Variants in SLC15A5 observed in about 807,000 individuals in gnomAD.
The protein encoded by SLC15A5 is solute carrier family 15 member 5, also known as Peptide/histidine transporter ENSP00000340402.
Under a neutral mutation model 56.1 loss-of-function variants are expected in SLC15A5, and 58 were observed. That is an observed-to-expected ratio of 1.03 (90% CI 0.84 to 1.29). The LOEUF (loss-of-function observed/expected upper bound fraction) is 1.29. Among genes scored for constraint, SLC15A5 ranks in the 50% most tolerant of loss-of-function variants. The probability of loss-of-function intolerance (pLI) is 0.00; values close to 1 mark genes in which losing one functional copy is unlikely to be tolerated. For synonymous variants in SLC15A5, 264 were observed against 250.5 expected (o/e 1.05, Z -0.51); for missense variants, 681 against 672.1 (o/e 1.01, Z -0.15).
intron 3 of SLC15A5, among the ~76,000 whole-genome samples, chr12:16,252,447 G>A (rs768542410): frequency 5.3e-5 from 8 of 152,022 alleles, no homozygotes; most frequent in Non-Finnish European, 7.4e-5. Context: ...AATTAATAAA[G>A]GAGTTCAGCA....
chr12:16,244,781 G>A lies in SLC15A5; in HGVS notation c.774C>T (p.Gly258=), dbSNP rs1006255763. 9.1e-6 allele frequency: 14 copies of A among 1,537,768 alleles called. No individual in the cohort carries two copies. The highest frequency in any genetic ancestry group is 1.0e-5 in the Non-Finnish European group (12 of 1,147,018). The change falls in exon 4 of 9, where the codon GGC becomes GGT. Residue 258 remains glycine (G), a synonymous_variant. Coordinates refer to ENST00000344941, the MANE Select transcript of SLC15A5 (RefSeq NM_001170798.1). ...QSEKRCSLLT[G]VGVLVSALKT... ...TCAGTGCACTAACCAACACCCCAACGCCTGTCAGGAGAGAACAACCTGCAA... is the reference window on the plus strand; with the variant it reads ...TCAGTGCACTAACCAACACCCCAACACCTGTCAGGAGAGAACAACCTGCAA...
intron 7 of SLC15A5, among the ~76,000 whole-genome samples, chr12:16,200,343 C>G (rs1023799565): frequency 2.0e-5 from 3 of 151,570 alleles, no homozygotes; most frequent in Non-Finnish European, 4.4e-5. Flanking sequence ...AAACACAATT[C>G]AAATTGAAGA....
chr12:16,253,600 G>A (rs907017105), intron 3 of SLC15A5, among the ~76,000 whole-genome samples: 3 of 152,096 alleles, frequency 2.0e-5, no homozygotes, highest in South Asian at 2.1e-4. Context: ...GCTGGGTGCC[G>A]TGGCTCACAC....
intron 7 of SLC15A5, among the ~76,000 whole-genome samples, chr12:16,211,377 A>T (rs1864078769): frequency 6.6e-6 from 1 of 152,206 alleles, no homozygotes; most frequent in Non-Finnish European, 1.5e-5. Context: ...TTTTTAATTT[A>T]AGAGAATCTT....
chr12:16,254,842 G>T (rs1216390517), intron 3 of SLC15A5, among the ~76,000 whole-genome samples: 1 of 152,146 alleles, frequency 6.6e-6, no homozygotes, highest in Non-Finnish European at 1.5e-5. Context: ...ATTAGAGGCT[G>T]GGAAGCATAG....
At chr12:16,201,961 C>A (rs1581605) in intron 7 of SLC15A5, among the ~76,000 whole-genome samples, 151,639 of 152,268 alleles carry the variant, frequency 1, 75,510 homozygotes, top group Middle Eastern at 1. Flanking sequence ...AAATAAACTC[C>A]AAATAGATTA....
At chr12:16,236,314 A>G (rs1466438068) in intron 5 of SLC15A5, among the ~76,000 whole-genome samples, 4 of 152,358 alleles carry the variant, frequency 2.6e-5, no homozygotes, top group Non-Finnish European at 4.4e-5. Context: ...CTGGATTTGT[A>G]GTGAATTAAG....
chr12:16,240,171 A>G (rs1864399423), intron 4 of SLC15A5, among the ~76,000 whole-genome samples: 1 of 152,252 alleles, frequency 6.6e-6, no homozygotes, highest in Non-Finnish European at 1.5e-5. Context: ...GACACATAAA[A>G]AGCCAAATAA....
intron 7 of SLC15A5, among the ~76,000 whole-genome samples, chr12:16,216,456 A>T (rs556647922): frequency 3.9e-5 from 6 of 152,192 alleles, no homozygotes; most frequent in Non-Finnish European, 5.9e-5. Context: ...ATCATTTATT[A>T]TTCAATTCAC....
chr12:16,204,892 A>G (rs1435254080), intron 7 of SLC15A5, among the ~76,000 whole-genome samples: 1 of 152,166 alleles, frequency 6.6e-6, no homozygotes, highest in Admixed American at 6.5e-5. Flanking sequence ...TTAAAATTAT[A>G]CAACCATAGA....
chr12:16,192,983 G>A (rs1356398626), intron 8 of SLC15A5, among the ~76,000 whole-genome samples: 1 of 151,966 alleles, frequency 6.6e-6, no homozygotes, highest in African/African-American at 2.4e-5. Context: ...ACTCAACTTG[G>A]GTGACTAAAT....
At chr12:16,224,343 C>T in intron 6 of SLC15A5, 71 bp downstream of exon 6, 1 of 1,385,246 alleles carries the variant, frequency 7.2e-7, no homozygotes, top group Non-Finnish European at 9.6e-7. Context: ...TTTAATTGTT[C>T]TGGTTGAGGT....
chr12:16,212,634 T>C (rs1024107426), intron 7 of SLC15A5, among the ~76,000 whole-genome samples: 3 of 152,170 alleles, frequency 2.0e-5, no homozygotes, highest in Non-Finnish European at 2.9e-5. Context: ...AGGAGAGGAT[T>C]AATGTGTTGT....
At chr12:16,244,451 T>G in intron 4 of SLC15A5, 129 bp downstream of exon 4, 1 of 823,866 alleles carries the variant, frequency 1.2e-6, no homozygotes, top group Non-Finnish European at 1.9e-6. Context: ...GATGAGAAGT[T>G]TCTGTGGGGA....
chr12:16,259,915 G>A (rs1864626951), intron 2 of SLC15A5, among the ~76,000 whole-genome samples: 1 of 145,494 alleles, frequency 6.9e-6, no homozygotes, highest in Non-Finnish European at 1.5e-5. Context: ...GGGTAAGTTA[G>A]AGCACTTCCA....
chr12:16,252,250 C>G (rs1214454855), intron 3 of SLC15A5, among the ~76,000 whole-genome samples: 1 of 151,940 alleles, frequency 6.6e-6, no homozygotes, highest in Middle Eastern at 3.2e-3. Flanking sequence ...AGATTAGGAA[C>G]AAGGCAAAGA....
At chr12:16,203,463 T>A (rs1248198514) in intron 7 of SLC15A5, among the ~76,000 whole-genome samples, 1 of 152,100 alleles carries the variant, frequency 6.6e-6, no homozygotes, top group Non-Finnish European at 1.5e-5. Flanking sequence ...ATAGGTCCAG[T>A]TTCTTATGAT....
At chr12:16,207,997 A>G (rs1271694754) in intron 7 of SLC15A5, among the ~76,000 whole-genome samples, 1 of 151,976 alleles carries the variant, frequency 6.6e-6, no homozygotes, top group Admixed American at 6.6e-5. Flanking sequence ...ATCTTTTCAT[A>G]CCTTCATAAT....
intron 3 of SLC15A5, among the ~76,000 whole-genome samples, chr12:16,245,835 C>T (rs1486817306): frequency 6.6e-6 from 1 of 152,106 alleles, no homozygotes; most frequent in Non-Finnish European, 1.5e-5. Flanking sequence ...AGATAAAATG[C>T]ATTCTAATGA....
Sources: allele counts gnomAD v4.1 joint callset (sites outside exome capture counted in the v4.1 genomes callset), GRCh38; gene constraint gnomAD v4.1.1; transcripts MANE v1.5; gene names NCBI Gene and HGNC (gene_info 2026-07-23, HGNC 2026-07-21).